PCLO: variants seen among roughly 807,000 people sequenced by gnomAD.
PCLO encodes the protein protein piccolo.
PCLO carries 82 observed loss-of-function variants against 427.5 expected under a neutral mutation model. The ratio of observed to expected loss-of-function variants is 0.19; its 90% CI spans 0.16 to 0.23. The LOEUF is 0.23. Ranked by LOEUF, PCLO falls within the 10% of genes least tolerant of loss-of-function variation. PCLO has a pLI of 1.00. For missense variants in PCLO, 6,239 were observed against 6,115.9 expected, an observed-to-expected ratio of 1.02 and a Z score of -0.67; for synonymous variants, 2,357 against 2,155.4, an observed-to-expected ratio of 1.09 and a Z score of -2.59.
Position 83,135,521 on chromosome 7 carries a change from G to A in PCLO, c.2029C>T (p.Pro677Ser), listed in dbSNP as rs1297598932. ...TTTGGGGAAGTCTGCTGTGGCTGTG[G>A]GGATGATTTGCTCACTGCTGATGTA... ...TTTSAVSKSS[P>S]QPQQTSPKKD... Residue 677 changes from proline (P) to serine (S), a missense_variant, in exon 3 of 25, where the codon CCA becomes TCA. This residue lies in a region of PCLO where 4,677 missense variants were observed against 4,468.4 expected (regional missense o/e 1.05). Coordinates refer to ENST00000333891, the MANE Select transcript of PCLO (RefSeq NM_033026.6). 1.2e-6 allele frequency: 2 copies of A among 1,613,632 alleles called. No homozygotes were observed. The highest frequency in any genetic ancestry group is 3.3e-5 in the Admixed American group (2 of 59,990).
At chr7:83,015,685 T>G (rs1406441189) in intron 3 of PCLO, among the ~76,000 whole-genome samples, 6 of 152,176 alleles carry the variant, frequency 3.9e-5, no homozygotes, top group Non-Finnish European at 5.9e-5. Flanking sequence ...TATCCTTAAA[T>G]AAACCATTTT....
At chr7:82,843,008 A>C (rs898572533) in intron 13 of PCLO, among the ~76,000 whole-genome samples, 3 of 152,112 alleles carry the variant, frequency 2.0e-5, no homozygotes, top group African/African-American at 7.2e-5. Flanking sequence ...TCCTCAAAAA[A>C]ATTAAAAATA....
intron 20 of PCLO, among the ~76,000 whole-genome samples, chr7:82,817,018 C>T (rs547425108): frequency 2.6e-5 from 4 of 152,080 alleles, no homozygotes; most frequent in Non-Finnish European, 5.9e-5. Context: ...TTTGAAAATG[C>T]ATAGTCAATC....
At chr7:83,085,898 C>A (rs1790218881) in intron 3 of PCLO, among the ~76,000 whole-genome samples, 1 of 151,820 alleles carries the variant, frequency 6.6e-6, no homozygotes, top group Non-Finnish European at 1.5e-5. Flanking sequence ...ATTATCAATA[C>A]CTCTATCAGT....
chr7:83,038,041 A>ATT lies in PCLO; in HGVS notation c.3301-71555_3301-71554insAA, dbSNP rs1562933065. ...TATATATATATATATTTATATATTT[A>ATT]TATATATATCTTTATATATATATTT... On this transcript the variant is annotated intron_variant, in intron 3 of 24. Transcript: ENST00000333891. 1.1e-3 allele frequency among the ~76,000 whole-genome samples: 49 copies of ATT among 45,902 alleles called. 4 individuals carry two copies. Among genetic ancestry groups the ATT allele is most frequent in the Admixed American group, 1.7e-3 (5 of 2,986 alleles). The allele number at this position is 45,902 out of a possible 152,430, so 30.1% of individuals were successfully genotyped here.
intron 3 of PCLO, among the ~76,000 whole-genome samples, chr7:83,087,655 T>G (rs2116424438): frequency 6.6e-6 from 1 of 152,236 alleles, no homozygotes; most frequent in African/African-American, 2.4e-5. Context: ...TTTGTAATTT[T>G]TTTCAAATAT....
Position 82,954,607 on chromosome 7 carries a change from G to C in PCLO, c.6346C>G (p.Leu2116Val), listed in dbSNP as rs1178477782. 6.2e-7 allele frequency: 1 copy of C among 1,613,946 alleles called. No individual in the cohort carries two copies. Among genetic ancestry groups the C allele is most frequent in the Non-Finnish European group, 8.5e-7 (1 of 1,179,864 alleles). ...GTTGCACTGCTGGTCGAATCTGTAA[G>C]AGACGCTCCTGAGAGAACACTTGAT... Reference protein sequence around the residue: ...LTSSVLSGASLTDSTSSATLS... With the variant: ...LTSSVLSGASVTDSTSSATLS... Residue 2116 changes from leucine (L) to valine (V), a missense_variant, in exon 5 of 25, where the codon CTT becomes GTT. This residue lies in a region of PCLO where 4,677 missense variants were observed against 4,468.4 expected (regional missense o/e 1.05). Transcript: ENST00000333891.
chr7:83,086,759 AAGATTACTCATC>A (rs778964133), intron 3 of PCLO, among the ~76,000 whole-genome samples: 2 of 152,188 alleles, frequency 1.3e-5, no homozygotes, highest in African/African-American at 2.4e-5. Flanking sequence ...CTACATGTTC[AAGATTACTCATC>A]AAAATCTTGT....
Position 82,862,462 on chromosome 7 carries a change from A to G in PCLO, c.13655-15215T>C, listed in dbSNP as rs184301768. ...TCCTACTGCTGGGTATATATCCAAAAGAAGGGAAATCAGTTTATTGAGGAG... is the reference window on the plus strand; with the variant it reads ...TCCTACTGCTGGGTATATATCCAAAGGAAGGGAAATCAGTTTATTGAGGAG... On this transcript the variant is annotated intron_variant, in intron 10 of 24. Coordinates refer to ENST00000333891, the MANE Select transcript of PCLO (RefSeq NM_033026.6). Among the ~76,000 whole-genome samples, 200 of 151,758 alleles carry G rather than the reference A, an allele frequency of 1.3e-3. 1 individual carries two copies. The highest frequency in any genetic ancestry group is 3.0e-4 in the Non-Finnish European group (20 of 67,776).
chr7:82,766,060 A>C (rs553282412), intron 22 of PCLO, among the ~76,000 whole-genome samples: 1 of 152,278 alleles, frequency 6.6e-6, no homozygotes, highest in Non-Finnish European at 1.5e-5. Flanking sequence ...CAGATATCAC[A>C]AAATCTTGTC....
chr7:83,037,439 T>C (rs1788823547), intron 3 of PCLO, among the ~76,000 whole-genome samples: 1 of 152,014 alleles, frequency 6.6e-6, no homozygotes, highest in African/African-American at 2.4e-5. Context: ...TTTTAAAGGT[T>C]TGTTAGATTT....
intron 6 of PCLO, among the ~76,000 whole-genome samples, chr7:82,944,229 G>C (rs1795150267): frequency 7.2e-6 from 1 of 138,382 alleles, no homozygotes; most frequent in Non-Finnish European, 1.6e-5. Flanking sequence ...CTTTTGCTTT[G>C]TTTTTATTTT....
intron 3 of PCLO, among the ~76,000 whole-genome samples, chr7:83,024,478 G>C (rs1788432581): frequency 6.6e-6 from 1 of 152,164 alleles, no homozygotes; most frequent in East Asian, 1.9e-4. Flanking sequence ...CTCGCTGATT[G>C]CTAGCACGGC....
In PCLO at chr7:82,999,575, ATATTATATTAAAATATAAAATATAATAT is replaced by A. The variant is rs1787741126; in HGVS notation, c.3301-33116_3301-33089del. 7.8e-5 allele frequency among the ~76,000 whole-genome samples: 4 copies of A among 50,962 alleles called. 1 individual carries two copies. The highest frequency in any genetic ancestry group is 8.4e-5 in the Non-Finnish European group (3 of 35,544). 33.4% of individuals were successfully genotyped at this position (50,962 alleles called of 152,430 possible). On this transcript the variant is annotated intron_variant, in intron 3 of 24. Transcript: ENST00000333891. ...ATATTATATTAAAATATAAAATATA[ATATTATATTAAAATATAAAATATAATAT>A]TATATATAAAATATAAAATATAATA... is the stretch of plus-strand genomic sequence containing the variant.
rs779408328 is a variant in PCLO at position 82,954,181 on chromosome 7, T to C, written c.6772A>G (p.Ser2258Gly). 6.2e-7 allele frequency: 1 copy of C among 1,613,424 alleles called. No individual in the cohort carries two copies. The highest frequency in any genetic ancestry group is 1.3e-5 in the African/African-American group (1 of 74,936). ...DRTAPPDGRA[S>G]ADHIVISLSD... is the part of the protein sequence containing the mutation. ...AAGGAAATAACAATATGATCAGCAC[T>C]AGCTCTACCATCTGGTGGGGCAGTC... The change falls in exon 5 of 25, where the codon AGT becomes GGT. Residue 2258 changes from serine (S) to glycine (G), a missense_variant. Physicochemically the swap from Ser to Gly is moderately conservative, Grantham distance 56. This residue lies in a region of PCLO where 4,677 missense variants were observed against 4,468.4 expected (regional missense o/e 1.05). Coordinates refer to ENST00000333891, the MANE Select transcript of PCLO (RefSeq NM_033026.6).
At chr7:83,146,074 G>T (rs1435652367) in intron 2 of PCLO, among the ~76,000 whole-genome samples, 1 of 152,172 alleles carries the variant, frequency 6.6e-6, no homozygotes, top group Admixed American at 6.5e-5. Context: ...TGCATATAAA[G>T]TGCTTCGTGC....
chr7:83,113,940 A>T (rs1464301790), intron 3 of PCLO, among the ~76,000 whole-genome samples: 1 of 152,092 alleles, frequency 6.6e-6, no homozygotes, highest in Non-Finnish European at 1.5e-5. Flanking sequence ...ATATAAAAAA[A>T]CTCATTTTCT....
intron 22 of PCLO, among the ~76,000 whole-genome samples, chr7:82,771,226 CT>C (rs1393080193): frequency 5.3e-5 from 8 of 151,754 alleles, no homozygotes; most frequent in African/African-American, 1.7e-4. Flanking sequence ...ATTCAGATCC[CT>C]TTTTTTCTTA....
Position 83,117,215 on chromosome 7 carries a change from G to A in PCLO, c.3300+17035C>T, listed in dbSNP as rs138350592. On this transcript the variant is annotated intron_variant, in intron 3 of 24. Coordinates refer to ENST00000333891, the MANE Select transcript of PCLO (RefSeq NM_033026.6). ...GAGCCTAATTTTCTTCATCTTTAAT[G>A]TAGAAGGCCTGAGAAGTAGTCCTTC... 3.9e-5 allele frequency among the ~76,000 whole-genome samples: 6 copies of A among 152,202 alleles called. No individual in the cohort carries two copies. The East Asian group carries it at 9.7e-4, about 25-fold the overall frequency.
Sources: allele counts gnomAD v4.1 joint callset (sites outside exome capture counted in the v4.1 genomes callset), GRCh38; gene constraint gnomAD v4.1.1; regional missense constraint gnomAD v4.1.1; transcripts MANE v1.5; gene names NCBI Gene and HGNC (gene_info 2026-07-23, HGNC 2026-07-21).